Variants in DOCK2 observed in about 807,000 individuals in gnomAD.
The protein encoded by DOCK2 is dedicator of cytokinesis protein 2.
A neutral mutation model predicts 248.9 loss-of-function variants in DOCK2; 87 were observed. That is an observed-to-expected ratio of 0.35 (90% confidence interval 0.29 to 0.42). DOCK2 has a LOEUF of 0.42. Among genes scored for constraint, DOCK2 ranks in the 10% least tolerant of loss-of-function variants. The pLI is 1.00. For missense variants in DOCK2, 1,747 were observed against 2,300.2 expected, an observed-to-expected ratio of 0.76 and a Z score of 4.92; for synonymous variants, 805 against 821.6, an observed-to-expected ratio of 0.98 and a Z score of 0.35.
At chr5:169,929,270 G>A (rs1775625413) in intron 27 of DOCK2, among the ~76,000 whole-genome samples, 1 of 152,168 alleles carries the variant, frequency 6.6e-6, no homozygotes, top group African/African-American at 2.4e-5. Context: ...TTGGCCATAT[G>A]GTAAACATTT....
chr5:169,765,846 GT>G (rs1477081628), intron 25 of DOCK2, among the ~76,000 whole-genome samples: 1 of 152,202 alleles, frequency 6.6e-6, no homozygotes, highest in East Asian at 1.9e-4. Flanking sequence ...AAAGCATCCA[GT>G]TTCCCTTTTA....
At chr5:169,761,412 C>T (rs895769081) in intron 24 of DOCK2, 107 bp from the exon 25 acceptor site, 1 of 864,394 alleles carries the variant, frequency 1.2e-6, no homozygotes, top group Admixed American at 2.1e-5. Flanking sequence ...TCTGCCAGGA[C>T]TTGGGGGTTT....
At chr5:169,725,312 A>G (rs949984413) in intron 22 of DOCK2, among the ~76,000 whole-genome samples, 1 of 152,192 alleles carries the variant, frequency 6.6e-6, no homozygotes, top group Non-Finnish European at 1.5e-5. Context: ...CACCGAAAGG[A>G]TATCATCAAA....
intron 32 of DOCK2, among the ~76,000 whole-genome samples, chr5:170,016,570 A>T (rs2113819089): frequency 6.6e-6 from 1 of 152,360 alleles, no homozygotes; most frequent in South Asian, 2.1e-4. Flanking sequence ...CTATTCTGCC[A>T]AATATCTCCT....
intron 25 of DOCK2, among the ~76,000 whole-genome samples, chr5:169,776,780 C>G (rs1765411023): frequency 6.6e-6 from 1 of 152,198 alleles, no homozygotes. Context: ...CACGCATTCT[C>G]ACTTCGTCCT....
chr5:169,731,104 G>A (rs1375180845), intron 22 of DOCK2, among the ~76,000 whole-genome samples: 3 of 152,144 alleles, frequency 2.0e-5, no homozygotes, highest in African/African-American at 7.2e-5. Flanking sequence ...CTGGCCTCAA[G>A]TGATCCTCCC....
chr5:170,036,121 G>T (rs866255594), intron 35 of DOCK2, among the ~76,000 whole-genome samples: 2 of 152,094 alleles, frequency 1.3e-5, no homozygotes, highest in Admixed American at 1.3e-4. Flanking sequence ...TCCAACTCAG[G>T]TTCTTTCCAG....
At chr5:169,685,212 C>T (rs1244701823) in intron 8 of DOCK2, among the ~76,000 whole-genome samples, 1 of 152,230 alleles carries the variant, frequency 6.6e-6, no homozygotes, top group East Asian at 1.9e-4. Context: ...GCACATGTTG[C>T]CTGTACTGCA....
chr5:169,702,249 G>C, intron 13 of DOCK2, 54 bp from the exon 14 acceptor site: 1 of 1,595,498 alleles, frequency 6.3e-7, no homozygotes, highest in Non-Finnish European at 8.6e-7. Context: ...GTTAGTCAGC[G>C]TCTCTCCTGC....
intron 27 of DOCK2, chr5:169,934,550 C>T: frequency 2.3e-6 from 1 of 441,114 alleles, no homozygotes; most frequent in South Asian, 1.6e-5. Flanking sequence ...GTATGCGCTA[C>T]ATTCACACAC....
chr5:169,709,140 TATCTC>T (rs1761440036), intron 15 of DOCK2, among the ~76,000 whole-genome samples: 1 of 152,246 alleles, frequency 6.6e-6, no homozygotes, highest in Non-Finnish European at 1.5e-5. Context: ...ACTTGGCAGT[TATCTC>T]AGTCTGCAAA....
chr5:169,639,596 A>C (rs1581359180), intron 1 of DOCK2, among the ~76,000 whole-genome samples: 1 of 152,128 alleles, frequency 6.6e-6, no homozygotes, highest in African/African-American at 2.4e-5. Context: ...GATCAGGTCC[A>C]CCTTCCAGCC....
chr5:169,798,742 C>T (rs1328541681), intron 25 of DOCK2, among the ~76,000 whole-genome samples: 1 of 152,208 alleles, frequency 6.6e-6, no homozygotes, highest in African/African-American at 2.4e-5. Context: ...AGAATAGTGA[C>T]TGGCACATAG....
chr5:169,855,110 C>G (rs567097117), intron 27 of DOCK2, among the ~76,000 whole-genome samples: 13 of 152,336 alleles, frequency 8.5e-5, no homozygotes, highest in Non-Finnish European at 1.8e-4. Context: ...TTATCTCCCC[C>G]TAAGCCTCCA....
At position 170,022,771 on chromosome 5, in the gene DOCK2, G is replaced by A. The variant is rs150778820; in HGVS notation, c.3381+3663G>A. Among the ~76,000 whole-genome samples, 5 of 152,234 alleles carry A rather than the reference G, an allele frequency of 3.3e-5. No homozygotes were observed. In the East Asian group the frequency reaches 9.7e-4, roughly 29 times the overall value. On this transcript the variant is annotated intron_variant, in intron 33 of 51. Coordinates refer to ENST00000520908, the MANE Select transcript of DOCK2 (RefSeq NM_004946.3). Reference sequence around the variant, plus strand: ...CCACAGCAGACTGTGAGCTCTTGAGGGCCAAAGCTGGTCTCTCAGTCCTGA... The same window carrying A: ...CCACAGCAGACTGTGAGCTCTTGAGAGCCAAAGCTGGTCTCTCAGTCCTGA...
At chr5:170,014,639 G>A (rs920241514) in intron 32 of DOCK2, among the ~76,000 whole-genome samples, 8 of 131,028 alleles carry the variant, frequency 6.1e-5, no homozygotes, top group African/African-American at 2.0e-4. Context: ...ACATGTGTTG[G>A]GGGGGGTAGA....
intron 25 of DOCK2, among the ~76,000 whole-genome samples, chr5:169,767,517 C>A (rs536151940): frequency 2.4e-4 from 36 of 152,216 alleles, no homozygotes; most frequent in African/African-American, 7.9e-4. Context: ...GAATAAGAGA[C>A]CTTTGAGTCA....
chr5:169,807,777 T>C (rs1462785696), intron 26 of DOCK2, among the ~76,000 whole-genome samples: 3 of 127,976 alleles, frequency 2.3e-5, no homozygotes, highest in African/African-American at 9.3e-5. Context: ...GAGCTTGCAG[T>C]GAGCCGAGAT....
intron 27 of DOCK2, among the ~76,000 whole-genome samples, chr5:169,965,110 T>C (rs1363724143): frequency 2.4e-4 from 37 of 152,224 alleles, no homozygotes; most frequent in Admixed American, 2.4e-3. Flanking sequence ...GCACATAGTA[T>C]GTAAGTGTTA....
Sources: gnomAD v4.1 joint callset for allele counts (sites outside exome capture counted in the v4.1 genomes callset) on GRCh38, gnomAD v4.1.1 for gene constraint, MANE v1.5 for transcripts, NCBI Gene and HGNC (gene_info 2026-07-23, HGNC 2026-07-21) for gene names.